The following GRIA4 variants were observed in gnomAD, a reference collection of about 807,000 sequenced individuals.
The protein encoded by GRIA4 is glutamate ionotropic receptor AMPA type subunit 4, also known as glutamate receptor 4.
Under a neutral mutation model 104.0 loss-of-function variants are expected in GRIA4, and 34 were observed. The observed-to-expected ratio is 0.33, with a 90% CI of 0.25 to 0.44. The LOEUF (loss-of-function observed/expected upper bound fraction) is 0.44, where lower values mean the gene tolerates loss of function less well. Among genes scored for constraint, GRIA4 ranks in the 20% least tolerant of loss-of-function variants. The pLI is 1.00. For missense variants in GRIA4, 750 were observed against 1,096.5 expected, an observed-to-expected ratio of 0.68 and a Z score of 4.46; for synonymous variants, 386 against 381.9, an observed-to-expected ratio of 1.01 and a Z score of -0.13.
chr11:105,794,447 GT>G (rs1942364283), intron 4 of GRIA4, among the ~76,000 whole-genome samples: 1 of 120,548 alleles, frequency 8.3e-6, no homozygotes, highest in Admixed American at 8.8e-5. Context: ...GTGTGTGTGT[GT>G]GTGTCTGTGT....
At chr11:105,703,515 C>G (rs1953581017) in intron 3 of GRIA4, among the ~76,000 whole-genome samples, 1 of 152,014 alleles carries the variant, frequency 6.6e-6, no homozygotes, top group South Asian at 2.1e-4. Context: ...AGGTGAAGTA[C>G]AAAATACAAT....
At chr11:105,952,539 A>G (rs1948480103) in intron 14 of GRIA4, among the ~76,000 whole-genome samples, 1 of 152,178 alleles carries the variant, frequency 6.6e-6, no homozygotes, top group Admixed American at 6.5e-5. Context: ...AAAATCACAA[A>G]GCTCCTTCAA....
intron 3 of GRIA4, among the ~76,000 whole-genome samples, chr11:105,716,235 C>T (rs920906427): frequency 5.9e-5 from 9 of 152,212 alleles, no homozygotes; most frequent in Admixed American, 3.9e-4. Flanking sequence ...ACCATTATAT[C>T]TTGTGGAACA....
intron 3 of GRIA4, among the ~76,000 whole-genome samples, chr11:105,691,834 C>T (rs2135495925): frequency 6.8e-6 from 1 of 147,468 alleles, no homozygotes; most frequent in South Asian, 2.2e-4. Context: ...ACTTGGGAGG[C>T]TGAGGCAGGA....
intron 3 of GRIA4, among the ~76,000 whole-genome samples, chr11:105,667,132 T>C (rs1952190450): frequency 6.6e-6 from 1 of 151,920 alleles, no homozygotes. Context: ...CTCAGAAAAA[T>C]TTTTAATTAA....
chr11:105,659,167 G>A (rs1198025155), intron 3 of GRIA4, among the ~76,000 whole-genome samples: 2 of 151,902 alleles, frequency 1.3e-5, no homozygotes, highest in Admixed American at 6.6e-5. Context: ...TGGTAGCTGC[G>A]GGGATTGTCA....
intron 4 of GRIA4, among the ~76,000 whole-genome samples, chr11:105,834,911 G>A (rs552756456): frequency 6.6e-6 from 1 of 151,980 alleles, no homozygotes; most frequent in Admixed American, 6.6e-5. Flanking sequence ...CATCACCCTA[G>A]TAAATATAGT....
chr11:105,716,379 G>A (rs1002596692), intron 3 of GRIA4, among the ~76,000 whole-genome samples: 12 of 152,142 alleles, frequency 7.9e-5, no homozygotes, highest in African/African-American at 2.7e-4. Context: ...ATTACTTTTA[G>A]TTGTTTTATT....
chr11:105,755,711 G>C (rs1940266732), intron 4 of GRIA4, among the ~76,000 whole-genome samples: 1 of 152,210 alleles, frequency 6.6e-6, no homozygotes, highest in Non-Finnish European at 1.5e-5. Context: ...AGTAGAGCAG[G>C]TAGTTCTTAC....
intron 6 of GRIA4, among the ~76,000 whole-genome samples, chr11:105,891,057 C>T (rs1946436769): frequency 1.3e-5 from 2 of 152,116 alleles, no homozygotes; most frequent in African/African-American, 4.8e-5. Flanking sequence ...TTGGTTTATC[C>T]TAGTCTGTTT....
At chr11:105,676,564 T>C (rs1052067756) in intron 3 of GRIA4, among the ~76,000 whole-genome samples, 2 of 151,802 alleles carry the variant, frequency 1.3e-5, no homozygotes, top group Non-Finnish European at 3.0e-5. Context: ...TGTTTGTATG[T>C]GTGCAAATCC....
At chr11:105,928,660 T>C (rs1947787521) in intron 13 of GRIA4, among the ~76,000 whole-genome samples, 1 of 152,062 alleles carries the variant, frequency 6.6e-6, no homozygotes, top group Non-Finnish European at 1.5e-5. Context: ...AATTGATGAC[T>C]GATTGTCATT....
At chr11:105,944,488 T>G (rs1354094223) in intron 14 of GRIA4, among the ~76,000 whole-genome samples, 4 of 151,978 alleles carry the variant, frequency 2.6e-5, no homozygotes, top group African/African-American at 2.4e-5. Context: ...AAAGGGTAAC[T>G]AGGACCTGAT....
intron 4 of GRIA4, among the ~76,000 whole-genome samples, chr11:105,782,770 A>T (rs1941784395): frequency 6.6e-6 from 1 of 152,176 alleles, no homozygotes; most frequent in Admixed American, 6.6e-5. Context: ...TAAGACCAAG[A>T]TGACAATTCA....
chr11:105,873,867 G>A (rs1945715921), intron 5 of GRIA4, among the ~76,000 whole-genome samples: 1 of 152,112 alleles, frequency 6.6e-6, no homozygotes, highest in South Asian at 2.1e-4. Flanking sequence ...TCTGTAGGTT[G>A]CCTGTTCACT....
At chr11:105,910,295 T>G (rs1947188232) in intron 9 of GRIA4, 140 bp from the exon 10 acceptor site, 2 of 372,766 alleles carry the variant, frequency 5.4e-6, no homozygotes, top group Admixed American at 4.2e-5. Context: ...TTCTGAACAC[T>G]TTTTTTTTTT....
chr11:105,783,642 A>G (rs1324435019), intron 4 of GRIA4, among the ~76,000 whole-genome samples: 2 of 152,128 alleles, frequency 1.3e-5, no homozygotes, highest in South Asian at 2.1e-4. Context: ...TACATTGGAT[A>G]TTTTTCACTC....
chr11:105,918,788 A>G lies in GRIA4; in HGVS notation c.1346A>G (p.Asp449Gly). ...GACAAGTATGAAGGATACTGTGTAG[A>G]TTTGGCATCTGAAATTGCAAAACAT... is the stretch of plus-strand genomic sequence containing the variant. Reference protein sequence around the residue: ...GNDKYEGYCVDLASEIAKHIG... With the variant: ...GNDKYEGYCVGLASEIAKHIG... The change falls in exon 11 of 17, where the codon GAT becomes GGT. Residue 449 changes from aspartate to glycine, a missense_variant. Coordinates refer to ENST00000282499, the MANE Select transcript of GRIA4 (RefSeq NM_000829.4). The G allele has an allele frequency of 6.2e-7, 1 of 1,601,240 alleles. No homozygotes were observed. The highest frequency in any genetic ancestry group is 8.6e-7 in the Non-Finnish European group (1 of 1,168,590).
intron 13 of GRIA4, among the ~76,000 whole-genome samples, chr11:105,932,065 T>G (rs1186095606): frequency 6.6e-6 from 1 of 152,096 alleles, no homozygotes; most frequent in Non-Finnish European, 1.5e-5. Context: ...TTTTTTGGAT[T>G]CAGATACAAA....
Sources: gnomAD v4.1 joint callset for allele counts (sites outside exome capture counted in the v4.1 genomes callset) on GRCh38, gnomAD v4.1.1 for gene constraint, MANE v1.5 for transcripts, NCBI Gene and HGNC (gene_info 2026-07-23, HGNC 2026-07-21) for gene names.